Variants in SLC13A5 observed in about 807,000 individuals in gnomAD.
SLC13A5 encodes solute carrier family 13 member 5.
SLC13A5 carries 25 observed loss-of-function variants against 56.5 expected under a neutral mutation model. The observed-to-expected ratio is 0.44, with a 90% CI of 0.32 to 0.62. The LOEUF is 0.62. Ranked by LOEUF, SLC13A5 falls within the 20% of genes least tolerant of loss-of-function variation. The pLI is 0.04. For missense variants in SLC13A5, 649 were observed against 737.8 expected (o/e 0.88, Z 1.39); for synonymous variants, 307 against 301.5 (o/e 1.02, Z -0.19).
At chr17:6,709,268 T>C (rs143407057) in intron 1 of SLC13A5, among the ~76,000 whole-genome samples, 1,235 of 123,196 alleles carry the variant, frequency 0.01, 12 homozygotes, top group African/African-American at 0.018. Context: ...TATTTATTTA[T>C]TTACTTACTT....
In SLC13A5 at chr17:6,687,539, AC is replaced by A; in HGVS notation, c.1564del (p.Val522LeufsTer5). On this transcript the variant is annotated frameshift_variant, in exon 11 of 12. Transcript: ENST00000433363. LOFTEE classifies it high-confidence loss of function. This position sits in a 1 kb window ranked among gnomAD's most constrained non-coding sequence, Gnocchi z 5.0. ...AAACAGCTGTGTTACCATGTCAGCA[AC>A]CTTGAGGTGCCCATAGGTGAACACG... ...AIVFTYGHLKVADMVKTGVIM... is the reference protein window; with the variant it reads ...AIVFTYGHLKXADMVKTGVIM... 1 of 1,613,746 alleles carries A rather than the reference AC, an allele frequency of 6.2e-7. No homozygotes were observed. The highest frequency in any genetic ancestry group is 1.1e-5 in the South Asian group (1 of 90,938).
At position 6,687,461 on chromosome 17, in the gene SLC13A5, T is replaced by C. The variant is rs1973277911; in HGVS notation, c.1575+68A>G. The C allele has an allele frequency of 6.3e-7, 1 of 1,594,792 alleles. No individual in the cohort carries two copies. Among genetic ancestry groups the C allele is most frequent in the African/African-American group, 1.3e-5 (1 of 74,148 alleles). The stretch of plus-strand genomic sequence containing the variant: ...CATCGTTTTGAAACTCTGTCATTCA[T>C]AAATGGGGCATCCCTTATGACAACA... On this transcript the variant is annotated intron_variant, in intron 11 of 11. Transcript: ENST00000433363. This position sits in a 1 kb window ranked among gnomAD's most constrained non-coding sequence, Gnocchi z 5.0.
intron 8 of SLC13A5, among the ~76,000 whole-genome samples, 155 bp downstream of exon 8, chr17:6,693,942 C>T (rs570723044): frequency 1.4e-4 from 22 of 152,288 alleles, no homozygotes; most frequent in African/African-American, 5.1e-4. Context: ...ATAATACCAC[C>T]GGTGGCTTGA....
At chr17:6,712,207 A>G (rs1330888014) in intron 1 of SLC13A5, among the ~76,000 whole-genome samples, 1 of 152,146 alleles carries the variant, frequency 6.6e-6, no homozygotes. Context: ...CCCTTCCTCT[A>G]GAGCTCCCCC....
intron 11 of SLC13A5, 100 bp from the exon 12 acceptor site, chr17:6,686,438 G>A: frequency 6.7e-7 from 1 of 1,486,476 alleles, no homozygotes. Flanking sequence ...ATGTCCCTGT[G>A]CCATGCTCTG....
chr17:6,701,264 C>G lies in SLC13A5; in HGVS notation c.717-138G>C. The G allele has an allele frequency of 8.2e-7, 1 of 1,214,194 alleles. No homozygotes were observed. Among genetic ancestry groups the G allele is most frequent in the African/African-American group, 1.5e-5 (1 of 65,926 alleles). The allele number at this position is 1,214,194 out of a possible 1,614,324, so 75.2% of individuals were successfully genotyped here. ...CCACATCCTCCTGAGGTCTAGCCAC[C>G]AAGTCCATTGCCAAGCATTGTCCCC... On this transcript the variant is annotated intron_variant, in intron 5 of 11. Coordinates refer to ENST00000433363, the MANE Select transcript of SLC13A5 (RefSeq NM_177550.5). The surrounding 1 kb of genome is among the most constrained non-coding windows in gnomAD (Gnocchi z 4.1).
intron 1 of SLC13A5, among the ~76,000 whole-genome samples, chr17:6,707,501 GAGA>G (rs1973902762): frequency 6.6e-6 from 1 of 152,138 alleles, no homozygotes; most frequent in Non-Finnish European, 1.5e-5. Context: ...GAGAAAGAAG[GAGA>G]AGGAGGAGAA....
At chr17:6,698,341 C>T (rs762819348) in intron 6 of SLC13A5, among the ~76,000 whole-genome samples, 7 of 152,212 alleles carry the variant, frequency 4.6e-5, no homozygotes, top group Non-Finnish European at 1.0e-4. Context: ...TGGGTGGACT[C>T]AGCTTCAGGT....
At position 6,703,029 on chromosome 17, in the gene SLC13A5, C is replaced by T; in HGVS notation, c.657G>A (p.Gly219=). The T allele has an allele frequency of 8.1e-6, 13 of 1,614,218 alleles. No individual in the cohort carries two copies. The highest frequency in any genetic ancestry group is 1.1e-5 in the Non-Finnish European group (13 of 1,180,042). Residue 219 remains glycine (G), a synonymous_variant, in exon 5 of 12, where the codon GGG becomes GGA. Coordinates refer to ENST00000433363, the MANE Select transcript of SLC13A5 (RefSeq NM_177550.5). ...TLCICYAASI[G]GTATLTGTGP... ...CCGTCCCGGTCAGGGTGGCGGTGCCCCCGATGCTGGCCGCGTAGCAGATGC... is the reference window on the plus strand; with the variant it reads ...CCGTCCCGGTCAGGGTGGCGGTGCCTCCGATGCTGGCCGCGTAGCAGATGC...
chr17:6,710,990 G>A (rs1974007050), intron 1 of SLC13A5, among the ~76,000 whole-genome samples: 1 of 152,054 alleles, frequency 6.6e-6, no homozygotes, highest in African/African-American at 2.4e-5. Flanking sequence ...AGACCCAGAG[G>A]AAGGATAGAG....
intron 1 of SLC13A5, among the ~76,000 whole-genome samples, chr17:6,712,078 T>C (rs1237723333): frequency 6.6e-6 from 1 of 152,106 alleles, no homozygotes; most frequent in Non-Finnish European, 1.5e-5. Flanking sequence ...CTAGCCCCAT[T>C]GTACAGATGA....
Position 6,693,089 on chromosome 17 carries a change from G to A in SLC13A5, c.1230C>T (p.Ile410=), listed in dbSNP as rs149447388. 4.9e-5 allele frequency: 79 copies of A among 1,613,936 alleles called. No individual in the cohort carries two copies. The African/African-American group carries it at 9.2e-4, about 19-fold the overall frequency. The change falls in exon 9 of 12, where the codon ATC becomes ATT. Residue 410 remains isoleucine, a synonymous_variant. Transcript: ENST00000433363. Reference sequence around the variant, plus strand: ...CAAATCCGCCCCCTAGTAGCAGCACGATGCCCCAGGGCACTTTCTCCTGGG... The same window carrying A: ...CAAATCCGCCCCCTAGTAGCAGCACAATGCCCCAGGGCACTTTCTCCTGGG... ...KVTQEKVPWG[I]VLLLGGGFAL...
rs1236953307 is a variant in SLC13A5, at chr17:6,695,729, G to T, written c.1052C>A (p.Thr351Lys). The T allele has an allele frequency of 6.2e-7, 1 of 1,613,948 alleles. No homozygotes were observed. The highest frequency in any genetic ancestry group is 8.5e-7 in the Non-Finnish European group (1 of 1,180,016). ...WLTVAWVEGE[T>K]KYVSDATVAI... ...TTCTATTGAATCCAAGACTTACTTT[G>T]TCTCACCCTCCACCCAGGCAACAGT... Residue 351 changes from threonine to lysine, a missense_variant, in exon 7 of 12, where the codon ACA (threonine) becomes AAA (lysine). Coordinates refer to ENST00000433363, the MANE Select transcript of SLC13A5 (RefSeq NM_177550.5).
Position 6,687,890 on chromosome 17 carries a change from C to A in SLC13A5, c.1438-224G>T. On this transcript the variant is annotated intron_variant, in intron 10 of 11. Transcript: ENST00000433363. The surrounding 1 kb of genome is among the most constrained non-coding windows in gnomAD (Gnocchi z 5.0). Reference sequence around the variant, plus strand: ...CCTAGAAGGCCTTACCCCCTCAATTCATTCGACATGTATTTCTTGGGCACC... The same window carrying A: ...CCTAGAAGGCCTTACCCCCTCAATTAATTCGACATGTATTTCTTGGGCACC... The A allele has an allele frequency of 4.3e-6, 2 of 470,004 alleles. No homozygotes were observed. Among genetic ancestry groups the A allele is most frequent in the South Asian group, 3.6e-5 (1 of 27,852 alleles). The allele number at this position is 470,004 out of a possible 1,614,324, so 29.1% of individuals were successfully genotyped here.
chr17:6,694,194 A>G lies in SLC13A5; in HGVS notation c.1059T>C (p.Tyr353=). The G allele has an allele frequency of 6.2e-7, 1 of 1,603,744 alleles. No homozygotes were observed. The highest frequency in any genetic ancestry group is 8.5e-7 in the Non-Finnish European group (1 of 1,171,166). The change falls in exon 8 of 12, where the codon TAT becomes TAC. Residue 353 remains tyrosine (Y), a synonymous_variant. Coordinates refer to ENST00000433363, the MANE Select transcript of SLC13A5 (RefSeq NM_177550.5). The part of the protein sequence containing the change: ...TVAWVEGETK[Y]VSDATVAIFV... Reference sequence around the variant, plus strand: ...AGATGGCCACAGTGGCATCGGAGACATACCTAGGTGGGGAAAAGCACAGCT... The same window carrying G: ...AGATGGCCACAGTGGCATCGGAGACGTACCTAGGTGGGGAAAAGCACAGCT...
At position 6,713,101 on chromosome 17, in the gene SLC13A5, GT is replaced by G; in HGVS notation, c.102+130del. The G allele has an allele frequency of 1.1e-6, 1 of 875,606 alleles. No individual in the cohort carries two copies. Among genetic ancestry groups the G allele is most frequent in the Non-Finnish European group, 1.8e-6 (1 of 565,134 alleles). The allele number at this position is 875,606 out of a possible 1,614,324, so 54.2% of individuals were successfully genotyped here. ...CCCATCCGGCACCTGGAGCTCCTGA[GT>G]GCGCGCGCCCCGGGAGAGCTGTGCT... On this transcript the variant is annotated intron_variant, in intron 1 of 11. Transcript: ENST00000433363. The surrounding 1 kb of genome is among the most constrained non-coding windows in gnomAD (Gnocchi z 7.3).
Position 6,713,292 on chromosome 17 carries a change from G to C in SLC13A5, c.42C>G (p.Phe14Leu). 1 of 1,614,042 alleles carries C rather than the reference G, an allele frequency of 6.2e-7. No homozygotes were observed. Among genetic ancestry groups the C allele is most frequent in the South Asian group, 1.1e-5 (1 of 91,090 alleles). Residue 14 changes from phenylalanine (F) to leucine (L), a missense_variant, in exon 1 of 12, where the codon TTC becomes TTG. Phe to Leu is a conservative substitution (Grantham distance 22). Transcript: ENST00000433363. The surrounding 1 kb of genome is among the most constrained non-coding windows in gnomAD (Gnocchi z 7.3). Reference protein sequence around the residue: ...ALSYVSKFKSFVILFVTPLLL... With the variant: ...ALSYVSKFKSLVILFVTPLLL... ...GGAGCGGGGTGACGAACAAGATCAC[G>C]AAGGACTTGAACTTGGAGACATAGC...
chr17:6,690,670 A>C, intron 10 of SLC13A5, 109 bp downstream of exon 10: 1 of 1,499,558 alleles, frequency 6.7e-7, no homozygotes, highest in Admixed American at 1.7e-5. Flanking sequence ...TGGGTCTCCA[A>C]AGCCTGGTCT....
Position 6,713,196 on chromosome 17 carries a change from C to T in SLC13A5, c.102+36G>A. 1.9e-6 allele frequency: 3 copies of T among 1,601,714 alleles called. No homozygotes were observed. Among genetic ancestry groups the T allele is most frequent in the Non-Finnish European group, 2.6e-6 (3 of 1,171,062 alleles). On this transcript the variant is annotated intron_variant, in intron 1 of 11. Transcript: ENST00000433363. The surrounding 1 kb of genome is among the most constrained non-coding windows in gnomAD (Gnocchi z 7.3). ...GTGCCCGTTAGTGGGCACAGGACGC[C>T]GGGTGTCCGAAGGGCTGCCTGGAGA...
Sources: allele counts gnomAD v4.1 joint callset (sites outside exome capture counted in the v4.1 genomes callset), GRCh38; gene constraint gnomAD v4.1.1; non-coding constraint Gnocchi (gnomAD v3.1); transcripts MANE v1.5; gene names NCBI Gene and HGNC (gene_info 2026-07-23, HGNC 2026-07-21).